Variants in USP28 observed in about 807,000 individuals in gnomAD.
The protein encoded by USP28 is ubiquitin specific peptidase 28.
In USP28, 113 loss-of-function variants were observed where a neutral mutation model predicts 145.0. That is an observed-to-expected ratio of 0.78 (90% CI 0.67 to 0.91). The LOEUF is 0.91. Among genes scored for constraint, USP28 ranks in the 40% least tolerant of loss-of-function variants. The probability of loss-of-function intolerance (pLI) is 0.00; values close to 1 mark genes in which losing one functional copy is unlikely to be tolerated. For synonymous variants in USP28, 447 were observed against 450.9 expected (o/e 0.99, Z 0.11); for missense variants, 1,201 against 1,289.6 (o/e 0.93, Z 1.05).
chr11:113,833,313 T>C (rs1591318289), intron 7 of USP28, 107 bp downstream of exon 7: 1 of 1,447,962 alleles, frequency 6.9e-7, no homozygotes, highest in East Asian at 2.3e-5. Flanking sequence ...GCATCCATAG[T>C]CCTGCTTAGT....
intron 13 of USP28, among the ~76,000 whole-genome samples, chr11:113,815,888 C>A (rs1941662571): frequency 6.6e-6 from 1 of 152,208 alleles, no homozygotes; most frequent in Admixed American, 6.5e-5. Context: ...GCTGAACATA[C>A]AACTCACAGG....
At chr11:113,874,579 T>C (rs1949183688) in intron 1 of USP28, 2 of 1,288,914 alleles carry the variant, frequency 1.6e-6, no homozygotes, top group South Asian at 2.5e-5. Flanking sequence ...AAACTCGTAT[T>C]TGAACAACTG....
chr11:113,820,579 C>G (rs1350455767), intron 12 of USP28: 2 of 152,194 alleles, frequency 1.3e-5, no homozygotes, highest in African/African-American at 4.8e-5. Context: ...CACAGCGCAC[C>G]CTGGGACCTA....
At chr11:113,845,390 C>T (rs1011786345) in intron 3 of USP28, among the ~76,000 whole-genome samples, 5 of 150,056 alleles carry the variant, frequency 3.3e-5, no homozygotes, top group African/African-American at 1.2e-4. Flanking sequence ...GAGCTGAGAT[C>T]GCGCCACTGC....
Position 113,801,559 on chromosome 11 carries a change from GTCA to G in USP28, c.2979_2981del (p.Asp994del), listed in dbSNP as rs1282645200. 1.9e-6 allele frequency: 3 copies of G among 1,609,936 alleles called. No homozygotes were observed. In the South Asian group the frequency reaches 3.3e-5, roughly 18 times the overall value. ...TGGCATCCAGATCATCCTTGGAAATGTCATTATTAATGATAAGGTGAATGCAGG... is the reference window on the plus strand; with the variant it reads ...TGGCATCCAGATCATCCTTGGAAATGTTATTAATGATAAGGTGAATGCAGG... On this transcript the variant is annotated inframe_deletion, in exon 24 of 25. Transcript: ENST00000003302.
At chr11:113,853,892 A>AGT (rs1555084288) in intron 2 of USP28, among the ~76,000 whole-genome samples, 1 of 149,018 alleles carries the variant, frequency 6.7e-6, no homozygotes, top group African/African-American at 2.5e-5. Context: ...AAAAAAAAAA[A>AGT]GTATATATAT....
chr11:113,808,503 A>G (rs1940423498), intron 17 of USP28, 66 bp from the exon 18 acceptor site: 1 of 1,566,204 alleles, frequency 6.4e-7, no homozygotes, highest in Non-Finnish European at 8.7e-7. Context: ...TCAGATAAAA[A>G]GCAAGCAGAA....
intron 1 of USP28, among the ~76,000 whole-genome samples, chr11:113,856,408 G>A (rs1184102749): frequency 6.6e-6 from 1 of 152,180 alleles, no homozygotes; most frequent in African/African-American, 2.4e-5. Flanking sequence ...ATGATTCAGA[G>A]AAAATAATCC....
chr11:113,815,427 T>C (rs544154508), intron 13 of USP28, 45 bp from the exon 14 acceptor site: 16 of 1,563,220 alleles, frequency 1.0e-5, no homozygotes, highest in Admixed American at 5.3e-5. Context: ...TTCCAAAAGA[T>C]ACCTTGGCCT....
chr11:113,817,895 C>A, intron 12 of USP28, 58 bp from the exon 13 acceptor site: 3 of 1,569,546 alleles, frequency 1.9e-6, no homozygotes, highest in South Asian at 2.3e-5. Context: ...TTTTAAGAGT[C>A]GCTGACAAAA....
At chr11:113,799,204 G>C in exon 25 of USP28, 3 of 1,590,544 alleles carry the variant, frequency 1.9e-6, no homozygotes, top group Non-Finnish European at 2.6e-6. Flanking sequence ...GAGGCAGGCA[G>C]CCAGGAACCA....
chr11:113,832,135 G>T, intron 7 of USP28, 142 bp from the exon 8 acceptor site: 4 of 729,678 alleles, frequency 5.5e-6, no homozygotes, highest in Non-Finnish European at 8.8e-6. Context: ...TTTGAGACAG[G>T]GTCTCACTCT....
exon 21 of USP28, chr11:113,804,712 C>G (rs1288251112): frequency 6.2e-7 from 1 of 1,614,148 alleles, no homozygotes; most frequent in South Asian, 1.1e-5. Context: ...GACCAATTTC[C>G]TTCAGTTTCG....
chr11:113,845,677 G>A (rs143428542), intron 3 of USP28, among the ~76,000 whole-genome samples: 8 of 152,152 alleles, frequency 5.3e-5, no homozygotes, highest in Admixed American at 3.3e-4. Context: ...AGGGCTCAAG[G>A]GATCTACTTG....
At chr11:113,823,432 A>G (rs1942919565) in intron 12 of USP28, among the ~76,000 whole-genome samples, 173 bp downstream of exon 12, 1 of 152,210 alleles carries the variant, frequency 6.6e-6, no homozygotes, top group South Asian at 2.1e-4. Context: ...ACCCCCATGA[A>G]TAATACTAGC....
chr11:113,873,176 T>G (rs1322516261), intron 1 of USP28, among the ~76,000 whole-genome samples: 1 of 152,226 alleles, frequency 6.6e-6, no homozygotes, highest in Admixed American at 6.5e-5. Flanking sequence ...CTTACCAAGA[T>G]GAGGAAGAAG....
chr11:113,842,277 A>C (rs1429775708), intron 3 of USP28, among the ~76,000 whole-genome samples: 1 of 152,128 alleles, frequency 6.6e-6, no homozygotes, highest in Non-Finnish European at 1.5e-5. Flanking sequence ...AATATAAAAA[A>C]AAAAAATTAC....
At chr11:113,874,424 A>AG (rs1949164342) in intron 1 of USP28, 17 of 148,638 alleles carry the variant, frequency 1.1e-4, no homozygotes, top group East Asian at 2.5e-4. Context: ...GACTCTGTCG[A>AG]AAAAAAAAAA....
At chr11:113,817,669 T>C (rs1337243125) in exon 13 of USP28, 4 of 1,613,316 alleles carry the variant, frequency 2.5e-6, no homozygotes, top group Non-Finnish European at 3.4e-6. Flanking sequence ...TTTCCTTGGA[T>C]GTCTGGTCAG....
Sources: allele counts gnomAD v4.1 joint callset (sites outside exome capture counted in the v4.1 genomes callset), GRCh38; gene constraint gnomAD v4.1.1; transcripts MANE v1.5; gene names NCBI Gene and HGNC (gene_info 2026-07-23, HGNC 2026-07-21).